Variants in RNF150 observed in about 807,000 individuals in gnomAD.
RNF150 encodes ring finger protein 150.
Under a neutral mutation model 39.3 loss-of-function variants are expected in RNF150, and 24 were observed. The observed-to-expected ratio is 0.61, with a 90% CI of 0.44 to 0.86. The LOEUF (loss-of-function observed/expected upper bound fraction) is 0.86. Among genes scored for constraint, RNF150 ranks in the 40% least tolerant of loss-of-function variants. The pLI is 0.00. For synonymous variants in RNF150, 255 were observed against 227.3 expected, an observed-to-expected ratio of 1.12 and a Z score of -1.10; for missense variants, 502 against 587.8, an observed-to-expected ratio of 0.85 and a Z score of 1.51.
chr4:141,078,229 T>C (rs1737975500), intron 1 of RNF150, among the ~76,000 whole-genome samples: 1 of 152,100 alleles, frequency 6.6e-6, no homozygotes, highest in Non-Finnish European at 1.5e-5. Flanking sequence ...ATGGGGTAAA[T>C]TGTGAATGGT....
intron 1 of RNF150, among the ~76,000 whole-genome samples, chr4:140,998,830 G>A (rs999812876): frequency 6.6e-6 from 1 of 152,104 alleles, no homozygotes; most frequent in African/African-American, 2.4e-5. Context: ...CCAGCTCATT[G>A]GGTCCAGGAT....
intron 1 of RNF150, among the ~76,000 whole-genome samples, chr4:141,145,544 T>C (rs1727185630): frequency 6.6e-6 from 1 of 152,156 alleles, no homozygotes; most frequent in Non-Finnish European, 1.5e-5. Context: ...CATGTGTGTA[T>C]TCATGTGAAT....
chr4:141,043,817 G>A (rs1468218981), intron 1 of RNF150, among the ~76,000 whole-genome samples: 1 of 151,816 alleles, frequency 6.6e-6, no homozygotes, highest in Non-Finnish European at 1.5e-5. Flanking sequence ...CTCCTGCAGA[G>A]GTAAAAATAA....
intron 1 of RNF150, among the ~76,000 whole-genome samples, chr4:140,990,822 A>G (rs1159966000): frequency 6.6e-6 from 1 of 152,166 alleles, no homozygotes; most frequent in African/African-American, 2.4e-5. Context: ...TTTTAATAGC[A>G]TGATTTATAT....
At chr4:141,128,633 T>A (rs1726812912) in intron 1 of RNF150, among the ~76,000 whole-genome samples, 1 of 152,186 alleles carries the variant, frequency 6.6e-6, no homozygotes, top group African/African-American at 2.4e-5. Context: ...AGCTTTTTGC[T>A]ATGGCCTTCT....
chr4:141,088,749 C>T (rs958239103), intron 1 of RNF150, among the ~76,000 whole-genome samples: 10 of 151,134 alleles, frequency 6.6e-5, no homozygotes, highest in Middle Eastern at 3.4e-3. Context: ...GAAGGTAGAA[C>T]GGGGAGAAAT....
At chr4:141,024,182 T>TTCA (rs1735604465) in intron 1 of RNF150, among the ~76,000 whole-genome samples, 1 of 151,932 alleles carries the variant, frequency 6.6e-6, no homozygotes, top group Non-Finnish European at 1.5e-5. Context: ...TAAGCTGGAG[T>TTCA]TCAGATTTGT....
At chr4:141,113,053 G>A (rs1235725882) in intron 1 of RNF150, among the ~76,000 whole-genome samples, 2 of 151,844 alleles carry the variant, frequency 1.3e-5, no homozygotes, top group African/African-American at 2.4e-5. Context: ...CGAAGTTCTC[G>A]TGCTGTATTT....
intron 2 of RNF150, among the ~76,000 whole-genome samples, chr4:140,965,611 G>C (rs1483960761): frequency 6.6e-6 from 1 of 152,076 alleles, no homozygotes; most frequent in African/African-American, 2.4e-5. Flanking sequence ...CCACAACATA[G>C]ATGGGCCTGG....
intron 1 of RNF150, among the ~76,000 whole-genome samples, chr4:141,041,667 T>C (rs1293498593): frequency 6.6e-6 from 1 of 152,090 alleles, no homozygotes; most frequent in Non-Finnish European, 1.5e-5. Flanking sequence ...TTCTTGCCAC[T>C]AGAAATAATT....
chr4:141,003,023 G>A (rs1271233103), intron 1 of RNF150, among the ~76,000 whole-genome samples: 1 of 152,024 alleles, frequency 6.6e-6, no homozygotes, highest in African/African-American at 2.4e-5. Flanking sequence ...TTAACAAAGA[G>A]GTAGGTTTGC....
chr4:140,885,659 C>T (rs1178306398), intron 6 of RNF150, among the ~76,000 whole-genome samples: 1 of 150,790 alleles, frequency 6.6e-6, no homozygotes, highest in Non-Finnish European at 1.5e-5. Context: ...TGGTCTTGAA[C>T]TCCTGACCTC....
chr4:141,024,388 A>G (rs1735612848), intron 1 of RNF150, among the ~76,000 whole-genome samples: 1 of 152,142 alleles, frequency 6.6e-6, no homozygotes, highest in African/African-American at 2.4e-5. Flanking sequence ...TCCAATTTGC[A>G]CTAACATGTT....
chr4:140,945,753 T>C (rs1427470821), intron 4 of RNF150, among the ~76,000 whole-genome samples: 1 of 151,794 alleles, frequency 6.6e-6, no homozygotes, highest in East Asian at 1.9e-4. Context: ...ACAGATTTTC[T>C]TAATTTACAT....
chr4:141,193,995 C>A (rs1728157718), intron 1 of RNF150, among the ~76,000 whole-genome samples: 2 of 152,174 alleles, frequency 1.3e-5, no homozygotes, highest in African/African-American at 4.8e-5. Context: ...AGCAATGAAG[C>A]ATTGTCATTT....
chr4:141,044,364 A>G (rs1228986744), intron 1 of RNF150, among the ~76,000 whole-genome samples: 1 of 152,210 alleles, frequency 6.6e-6, no homozygotes, highest in Non-Finnish European at 1.5e-5. Context: ...ATAGATGAGC[A>G]CTGTTCAAAT....
At position 141,178,271 on chromosome 4, in the gene RNF150, T is replaced by C. The variant is rs546607921; in HGVS notation, c.-6+34523A>G. Among the ~76,000 whole-genome samples the C allele has an allele frequency of 2.6e-3, 389 of 152,118 alleles. 5 individuals are homozygous for C. The highest frequency in any genetic ancestry group is 8.6e-3 in the African/African-American group (357 of 41,566). ...GTGTGTGTGTGTGTGTGCGTGCGCA[T>C]GCACACACATGCTATTTTCTCTAAT... On this transcript the variant is annotated intron_variant, in intron 1 of 7. Transcript: ENST00000420921.
At chr4:141,066,760 T>C (rs928291792) in intron 1 of RNF150, among the ~76,000 whole-genome samples, 1 of 152,210 alleles carries the variant, frequency 6.6e-6, no homozygotes, top group South Asian at 2.1e-4. Flanking sequence ...ATTAGTAATA[T>C]GTACTGAAAA....
Position 141,132,267 on chromosome 4 carries a change from C to G in RNF150, c.484+58G>C. ...GGAGCCTGGAGGCAGGCGCTGGATC[C>G]CTCTAGGCACCTCCGTCCCCGCCGG... On this transcript the variant is annotated intron_variant, in intron 1 of 6. Transcript: ENST00000515673. This position sits in a 1 kb window ranked among gnomAD's most constrained non-coding sequence, Gnocchi z 4.9. 6.5e-7 allele frequency: 1 copy of G among 1,533,896 alleles called. No individual in the cohort carries two copies. The highest frequency in any genetic ancestry group is 8.8e-7 in the Non-Finnish European group (1 of 1,133,450).
Sources: allele counts gnomAD v4.1 joint callset (sites outside exome capture counted in the v4.1 genomes callset), GRCh38; gene constraint gnomAD v4.1.1; non-coding constraint Gnocchi (gnomAD v3.1); transcripts MANE v1.5; gene names NCBI Gene and HGNC (gene_info 2026-07-23, HGNC 2026-07-21).